The following LYRM4 variants were observed in gnomAD, a reference collection of about 807,000 sequenced individuals.
LYRM4 encodes the protein LYR motif-containing protein 4.
Under a neutral mutation model 11.7 loss-of-function variants are expected in LYRM4, and 9 were observed. The observed-to-expected ratio is 0.77, with a 90% CI of 0.46 to 1.34. The LOEUF is 1.34. Among genes scored for constraint, LYRM4 ranks in the 40% most tolerant of loss-of-function variants. LYRM4 has a pLI of 0.00. For synonymous variants in LYRM4, 42 were observed against 40.4 expected (o/e 1.04, Z -0.15); for missense variants, 133 against 112.5 (o/e 1.18, Z -0.82).
intron 1 of LYRM4, among the ~76,000 whole-genome samples, chr6:5,245,972 T>C (rs1764178386): frequency 6.6e-6 from 1 of 152,230 alleles, no homozygotes; most frequent in South Asian, 2.1e-4. Context: ...GTAAGGATTC[T>C]GGACTTTATC....
chr6:5,144,911 C>T (rs573497792), intron 2 of LYRM4, among the ~76,000 whole-genome samples: 17 of 152,284 alleles, frequency 1.1e-4, no homozygotes, highest in South Asian at 4.1e-4. Context: ...CGCTTTGACG[C>T]GACATGGGAA....
downstream of LYRM4, chr6:5,107,266 G>A (rs916017121): frequency 1.3e-5 from 2 of 152,224 alleles, no homozygotes; most frequent in African/African-American, 4.8e-5. Flanking sequence ...GTTAAGTTTG[G>A]GTGGACTGCC....
At chr6:5,183,003 A>AT (rs748386326) in intron 2 of LYRM4, among the ~76,000 whole-genome samples, 2 of 152,218 alleles carry the variant, frequency 1.3e-5, no homozygotes, top group African/African-American at 4.8e-5. Context: ...TAAATCTTAG[A>AT]TTTTAAGTGA....
At chr6:5,138,649 T>A in intron 2 of LYRM4, 2 of 1,298,044 alleles carry the variant, frequency 1.5e-6, no homozygotes, top group South Asian at 2.7e-5. Context: ...TATTAAGGAA[T>A]TCTAACATGC....
intron 1 of LYRM4, among the ~76,000 whole-genome samples, chr6:5,235,779 G>A (rs1763504626): frequency 6.6e-6 from 1 of 150,602 alleles, no homozygotes; most frequent in African/African-American, 2.5e-5. Flanking sequence ...CTCAAGGTCT[G>A]TTCTTTTACC....
In LYRM4 at chr6:5,109,156, G is replaced by C. The variant is rs1762764165; in HGVS notation, c.*267C>G. 7.7e-7 allele frequency: 1 copy of C among 1,306,860 alleles called. No individual in the cohort carries two copies. Among genetic ancestry groups the C allele is most frequent in the African/African-American group, 1.5e-5 (1 of 67,956 alleles). The allele number at this position is 1,306,860 out of a possible 1,614,324, so 81.0% of individuals were successfully genotyped here. On this transcript the variant is annotated 3_prime_UTR_variant, in exon 3 of 3. Transcript: ENST00000330636. Reference sequence around the variant, plus strand: ...CACAATGGTCATGAGCTACAAGGTAGGAATGGGGTGCAGGGGAGACGTGGT... The same window carrying C: ...CACAATGGTCATGAGCTACAAGGTACGAATGGGGTGCAGGGGAGACGTGGT...
chr6:5,108,005 CA>C (rs563277481), downstream of LYRM4: 5 of 149,230 alleles, frequency 3.4e-5, no homozygotes, highest in East Asian at 2.0e-4. Context: ...GACTCCATCT[CA>C]AAAAAAAAGA....
intron 2 of LYRM4, among the ~76,000 whole-genome samples, chr6:5,184,727 T>C (rs1760279054): frequency 6.6e-6 from 1 of 152,196 alleles, no homozygotes; most frequent in African/African-American, 2.4e-5. Context: ...CAGCAAACTC[T>C]TGCTGAGCAT....
At chr6:5,126,522 G>A (rs1581329108) in intron 2 of LYRM4, among the ~76,000 whole-genome samples, 2 of 152,280 alleles carry the variant, frequency 1.3e-5, no homozygotes, top group South Asian at 4.1e-4. Flanking sequence ...CCTCAGAAAC[G>A]TGCACAAAGA....
chr6:5,246,175 A>C (rs1315879924), intron 1 of LYRM4, among the ~76,000 whole-genome samples: 1 of 152,224 alleles, frequency 6.6e-6, no homozygotes, highest in African/African-American at 2.4e-5. Context: ...CATAGGAAAC[A>C]ATATGGAATC....
the LYRM4 span, among the ~76,000 whole-genome samples, chr6:5,077,726 G>A: frequency 1.3e-5 from 2 of 152,006 alleles, no homozygotes; most frequent in African/African-American, 4.8e-5. Flanking sequence ...AATTTAAAGG[G>A]TTTTTTATCT....
At chr6:5,096,033 A>G in the LYRM4 span, among the ~76,000 whole-genome samples, 1 of 152,178 alleles carries the variant, frequency 6.6e-6, no homozygotes, top group African/African-American at 2.4e-5. Flanking sequence ...ATTATGCCAA[A>G]GTAGATTTCC....
chr6:5,075,765 C>T, the LYRM4 span, among the ~76,000 whole-genome samples: 1 of 151,970 alleles, frequency 6.6e-6, no homozygotes, highest in Non-Finnish European at 1.5e-5. Flanking sequence ...GCAAAATATA[C>T]ATAACATAAC....
intron 1 of LYRM4, among the ~76,000 whole-genome samples, chr6:5,230,398 T>C (rs1182549409): frequency 6.6e-6 from 1 of 152,234 alleles, no homozygotes; most frequent in African/African-American, 2.4e-5. Context: ...AAGCTCCATG[T>C]ATATGGCAAA....
At chr6:5,195,966 A>T (rs1004081900) in intron 2 of LYRM4, among the ~76,000 whole-genome samples, 1 of 152,214 alleles carries the variant, frequency 6.6e-6, no homozygotes, top group Non-Finnish European at 1.5e-5. Flanking sequence ...AGCAACAGCA[A>T]ACCCTTATAT....
intron 2 of LYRM4, among the ~76,000 whole-genome samples, chr6:5,204,005 C>T (rs919348125): frequency 3.3e-5 from 5 of 152,194 alleles, no homozygotes; most frequent in Non-Finnish European, 7.3e-5. Context: ...GTGCTGTGTG[C>T]CTCACAAACA....
the LYRM4 span, among the ~76,000 whole-genome samples, chr6:5,072,254 C>T: frequency 1.3e-5 from 2 of 152,126 alleles, no homozygotes; most frequent in African/African-American, 2.4e-5. Flanking sequence ...GATTCCATGT[C>T]TTTGCTATTG....
intron 2 of LYRM4, chr6:5,148,230 C>T (rs920457268): frequency 2.6e-5 from 4 of 153,360 alleles, no homozygotes; most frequent in African/African-American, 9.7e-5. Flanking sequence ...GCTCCCAGAC[C>T]GTTTGAGGCA....
At chr6:5,071,442 AG>A in the LYRM4 span, among the ~76,000 whole-genome samples, 4 of 147,266 alleles carry the variant, frequency 2.7e-5, no homozygotes, top group Non-Finnish European at 6.2e-5. Context: ...TCCAGCAAGC[AG>A]GGCTGGGACT....
Sources: gnomAD v4.1 joint callset for allele counts (sites outside exome capture counted in the v4.1 genomes callset) on GRCh38, gnomAD v4.1.1 for gene constraint, MANE v1.5 for transcripts, NCBI Gene and HGNC (gene_info 2026-07-23, HGNC 2026-07-21) for gene names.